The following N4BP2L2 variants were observed in gnomAD, a reference collection of about 807,000 sequenced individuals.
N4BP2L2 encodes the protein NEDD4-binding protein 2-like 2.
In N4BP2L2, 50 loss-of-function variants were observed where a neutral mutation model predicts 56.2. That is an observed-to-expected ratio of 0.89 (90% CI 0.71 to 1.13). N4BP2L2 has a LOEUF of 1.13. Ranked by LOEUF, N4BP2L2 falls within the 50% of genes most tolerant of loss-of-function variation. The probability of loss-of-function intolerance (pLI) is 0.00; values close to 1 mark genes in which losing one functional copy is unlikely to be tolerated. For synonymous variants in N4BP2L2, 203 were observed against 223.6 expected (o/e 0.91, Z 0.82); for missense variants, 689 against 693.8 (o/e 0.99, Z 0.08).
At chr13:32,483,990 GAAAAA>G (rs11424749) in intron 6 of N4BP2L2, among the ~76,000 whole-genome samples, 31 of 118,814 alleles carry the variant, frequency 2.6e-4, no homozygotes, top group Non-Finnish European at 5.5e-5. Context: ...ATCTAAAAAA[GAAAAA>G]AAAAAAAAAA....
At chr13:32,434,254 T>C (rs1186441251) in intron 9 of N4BP2L2, among the ~76,000 whole-genome samples, 72 of 139,400 alleles carry the variant, frequency 5.2e-4, no homozygotes, top group African/African-American at 1.6e-3. Flanking sequence ...TTTTCTTTTT[T>C]TCTTTTTTTT....
At chr13:32,471,340 C>T (rs377195761) in intron 6 of N4BP2L2, among the ~76,000 whole-genome samples, 1 of 152,332 alleles carries the variant, frequency 6.6e-6, no homozygotes, top group East Asian at 1.9e-4. Context: ...AAGGAATAGG[C>T]CAAGGTGGAC....
At chr13:32,509,695 G>C (rs943478592), downstream of N4BP2L2, among the ~76,000 whole-genome samples, 26 of 152,142 alleles carry the variant, frequency 1.7e-4, no homozygotes, top group African/African-American at 6.3e-4. Flanking sequence ...GGGTTACATT[G>C]AACTATATTC....
intron 6 of N4BP2L2, among the ~76,000 whole-genome samples, chr13:32,455,380 A>G (rs1028269444): frequency 7.9e-5 from 12 of 152,150 alleles, no homozygotes; most frequent in Non-Finnish European, 1.5e-4. Context: ...CACCACAGAC[A>G]GCAACCCCAT....
chr13:32,465,950 C>T (rs2081158705), intron 6 of N4BP2L2, among the ~76,000 whole-genome samples: 1 of 152,172 alleles, frequency 6.6e-6, no homozygotes. Flanking sequence ...CCACGCCTGG[C>T]CTAGTTTTGT....
rs537978064 is a variant in N4BP2L2, at chr13:32,433,772, A to C, written c.*22-800T>G. Among the ~76,000 whole-genome samples the C allele has an allele frequency of 2.0e-5, 3 of 148,600 alleles. No homozygotes were observed. The South Asian group carries it at 6.4e-4, about 32-fold the overall frequency. On this transcript the variant is annotated intron_variant, in intron 9 of 9. Coordinates refer to the N4BP2L2 transcript ENST00000357505. ...AAACCCCGTCTCTACTAAAAATACA[A>C]AAAAAAAAATTAGCTGGGCATGGTG...
At chr13:32,464,784 C>A (rs2080912688) in intron 6 of N4BP2L2, among the ~76,000 whole-genome samples, 1 of 151,466 alleles carries the variant, frequency 6.6e-6, no homozygotes, top group Non-Finnish European at 1.5e-5. Flanking sequence ...AACTAAATAG[C>A]AAAATAAGTA....
chr13:32,453,101 T>C (rs2078367501), intron 6 of N4BP2L2, among the ~76,000 whole-genome samples: 2 of 151,978 alleles, frequency 1.3e-5, no homozygotes, highest in African/African-American at 4.8e-5. Flanking sequence ...TCTACTAAAA[T>C]ACAAGAAATT....
At chr13:32,496,084 T>C (rs2088538298) in intron 6 of N4BP2L2, among the ~76,000 whole-genome samples, 1 of 152,184 alleles carries the variant, frequency 6.6e-6, no homozygotes. Context: ...CCCAGAATTT[T>C]GAATGAGGCA....
intron 6 of N4BP2L2, among the ~76,000 whole-genome samples, chr13:32,486,931 G>A (rs201750007): frequency 6.6e-6 from 1 of 150,886 alleles, no homozygotes; most frequent in Non-Finnish European, 1.5e-5. Context: ...CTCGGAAGAC[G>A]GAGGTTGCAG....
At chr13:32,531,272 CTAAGT>C (rs2054706844) in intron 2 of N4BP2L2, among the ~76,000 whole-genome samples, 3 of 152,298 alleles carry the variant, frequency 2.0e-5, no homozygotes, top group South Asian at 2.1e-4. Flanking sequence ...CTTTAAACAA[CTAAGT>C]TTTAGGGTAA....
chr13:32,449,140 T>G (rs1437152104), intron 6 of N4BP2L2, among the ~76,000 whole-genome samples: 1 of 152,240 alleles, frequency 6.6e-6, no homozygotes, highest in Non-Finnish European at 1.5e-5. Flanking sequence ...TGCTCCCAGC[T>G]AGATGGCTGC....
At chr13:32,465,981 G>A (rs889147745) in intron 6 of N4BP2L2, among the ~76,000 whole-genome samples, 2 of 152,148 alleles carry the variant, frequency 1.3e-5, no homozygotes, top group Non-Finnish European at 2.9e-5. Context: ...CTAGGTATGT[G>A]AGACTGTTAT....
At chr13:32,506,458 A>G (rs2090965985), downstream of N4BP2L2, 1 of 152,182 alleles carries the variant, frequency 6.6e-6, no homozygotes, top group Admixed American at 6.5e-5. Flanking sequence ...CACTTATTGT[A>G]TGAATATTGA....
At chr13:32,433,527 G>A (rs1023083831) in intron 9 of N4BP2L2, among the ~76,000 whole-genome samples, 1 of 152,052 alleles carries the variant, frequency 6.6e-6, no homozygotes, top group Admixed American at 6.6e-5. Flanking sequence ...CAGCTATTCA[G>A]GAGGCTGAGG....
chr13:32,489,765 GAAA>G (rs34893590), intron 6 of N4BP2L2, among the ~76,000 whole-genome samples: 4 of 137,868 alleles, frequency 2.9e-5, no homozygotes, highest in African/African-American at 8.0e-5. Context: ...TTCCCCTCCT[GAAA>G]AAAAAAAAAA....
chr13:32,459,049 C>T (rs918434108), intron 6 of N4BP2L2, among the ~76,000 whole-genome samples: 1 of 151,970 alleles, frequency 6.6e-6, no homozygotes, highest in Admixed American at 6.6e-5. Flanking sequence ...ACCTTTGGGT[C>T]AACAAAATTA....
At chr13:32,493,887 G>A (rs1015707751) in intron 6 of N4BP2L2, among the ~76,000 whole-genome samples, 3 of 152,342 alleles carry the variant, frequency 2.0e-5, no homozygotes, top group Admixed American at 1.3e-4. Flanking sequence ...CTAAAAGACA[G>A]GTGTCCTGGA....
exon 7 of N4BP2L2, chr13:32,442,885 A>G (rs1169820127): frequency 6.2e-7 from 1 of 1,613,074 alleles, no homozygotes; most frequent in Admixed American, 1.7e-5. Flanking sequence ...ATGATGATCA[A>G]AGGTCATAAG....
Sources: allele counts gnomAD v4.1 joint callset (sites outside exome capture counted in the v4.1 genomes callset), GRCh38; gene constraint gnomAD v4.1.1; transcripts MANE v1.5; gene names NCBI Gene and HGNC (gene_info 2026-07-23, HGNC 2026-07-21).